Variants in SPEN observed in about 807,000 individuals in gnomAD.
The protein encoded by SPEN is spen family transcriptional repressor, also known as msx2-interacting protein.
Under a neutral mutation model 269.9 loss-of-function variants are expected in SPEN, and 18 were observed. The ratio of observed to expected loss-of-function variants is 0.07; its 90% CI spans 0.05 to 0.10. The LOEUF (loss-of-function observed/expected upper bound fraction) is 0.10. SPEN is among the 10% of genes least tolerant of loss of function. The pLI is 1.00. For missense variants in SPEN, 3,822 were observed against 4,631.2 expected (o/e 0.83, Z 5.07); for synonymous variants, 1,726 against 1,765.7 (o/e 0.98, Z 0.56).
intron 2 of SPEN, chr1:15,873,473 G>A: frequency 9.7e-7 from 1 of 1,026,536 alleles, no homozygotes; most frequent in South Asian, 4.3e-5. Context: ...CCTTCTACCT[G>A]ATGGAGCTAT....
At chr1:15,849,914 C>T (rs1473255372) in intron 1 of SPEN, among the ~76,000 whole-genome samples, 2 of 152,182 alleles carry the variant, frequency 1.3e-5, no homozygotes, top group Admixed American at 1.3e-4. Context: ...CAAGCACGTG[C>T]ATTGCAGCAT....
At chr1:15,868,315 G>C (rs546050874) in intron 1 of SPEN, among the ~76,000 whole-genome samples, 1 of 151,626 alleles carries the variant, frequency 6.6e-6, no homozygotes, top group Non-Finnish European at 1.5e-5. Context: ...TCTCATTTTA[G>C]AAAATTGGAT....
chr1:15,876,806 T>C (rs941636213), intron 3 of SPEN, 128 bp downstream of exon 3: 6 of 761,756 alleles, frequency 7.9e-6, no homozygotes, highest in Non-Finnish European at 1.3e-5. Context: ...ATGTAATCAG[T>C]AAAGAAACTG....
At chr1:15,856,182 G>A (rs1218154259) in intron 1 of SPEN, among the ~76,000 whole-genome samples, 17 of 151,552 alleles carry the variant, frequency 1.1e-4, no homozygotes, top group South Asian at 4.2e-4. Flanking sequence ...AGTAGAGACG[G>A]GGTTTCACCA....
rs2071200420 is a variant in SPEN, at chr1:15,929,457, T to G, written c.3217T>G (p.Ser1073Ala). The change falls in exon 11 of 15, where the codon TCT becomes GCT. Residue 1073 changes from serine to alanine, a missense_variant. By Grantham distance (99) the Ser-to-Ala change is moderately conservative (BLOSUM62 1). Around this residue, in one of 16 missense-constraint regions of SPEN, gnomAD observed 572 missense variants for 582.6 expected, o/e 0.98. Transcript: ENST00000375759. This position sits in a 1 kb window ranked among gnomAD's most constrained non-coding sequence, Gnocchi z 5.8. Reference protein sequence around the residue: ...PKDCQELASISVGSGSRPSSD... With the variant: ...PKDCQELASIAVGSGSRPSSD... ...AGACTGTCAGGAGCTTGCCAGTATT[T>G]CTGTTGGGTCTGGCTCAAGGCCCAG... is the stretch of plus-strand genomic sequence containing the variant. 6.2e-7 allele frequency: 1 copy of G among 1,613,172 alleles called. No homozygotes were observed. Among genetic ancestry groups the G allele is most frequent in the South Asian group, 1.1e-5 (1 of 90,970 alleles).
chr1:15,865,293 T>A (rs1363857204), intron 1 of SPEN, among the ~76,000 whole-genome samples: 1 of 151,802 alleles, frequency 6.6e-6, no homozygotes, highest in Non-Finnish European at 1.5e-5. Flanking sequence ...CCTCAGGTGA[T>A]CTGCCGGCCT....
chr1:15,926,384 TACACAC>T (rs34826146), intron 10 of SPEN, among the ~76,000 whole-genome samples: 16 of 145,862 alleles, frequency 1.1e-4, no homozygotes, highest in South Asian at 2.2e-4. Flanking sequence ...GATATATACA[TACACAC>T]ACACACACAC....
intron 3 of SPEN, among the ~76,000 whole-genome samples, chr1:15,900,107 A>G (rs2070886168): frequency 6.6e-6 from 1 of 152,134 alleles, no homozygotes; most frequent in Non-Finnish European, 1.5e-5. Context: ...CGGCCTACCA[A>G]AGTGCTGGGA....
chr1:15,919,256 A>T (rs1020853860), intron 7 of SPEN, 148 bp from the exon 8 acceptor site: 2 of 687,914 alleles, frequency 2.9e-6, no homozygotes, highest in Non-Finnish European at 2.4e-6. Flanking sequence ...TTTTTTTTGT[A>T]TATTCCTATT....
intron 3 of SPEN, among the ~76,000 whole-genome samples, chr1:15,908,427 CTT>C (rs548696560): frequency 6.8e-6 from 1 of 147,204 alleles, no homozygotes; most frequent in Non-Finnish European, 1.5e-5. Context: ...TTCTTTAATT[CTT>C]TTTTTTTTTC....
At chr1:15,867,559 C>T (rs1398199187) in intron 1 of SPEN, among the ~76,000 whole-genome samples, 1 of 151,972 alleles carries the variant, frequency 6.6e-6, no homozygotes. Flanking sequence ...TCATTTTTGG[C>T]TGTTATGAAA....
intron 3 of SPEN, among the ~76,000 whole-genome samples, chr1:15,893,294 G>A (rs902061529): frequency 1.3e-5 from 2 of 152,120 alleles, no homozygotes; most frequent in African/African-American, 2.4e-5. Flanking sequence ...AACCCAAACT[G>A]GAGGAGTTCT....
intron 3 of SPEN, among the ~76,000 whole-genome samples, chr1:15,901,212 G>A (rs1041843806): frequency 1.3e-5 from 2 of 151,382 alleles, no homozygotes; most frequent in South Asian, 4.2e-4. Flanking sequence ...GTGTAGGGGC[G>A]GCTGAGGCAG....
chr1:15,885,410 C>A (rs2070727652), intron 3 of SPEN, among the ~76,000 whole-genome samples: 1 of 152,164 alleles, frequency 6.6e-6, no homozygotes, highest in Non-Finnish European at 1.5e-5. Flanking sequence ...CCAACTGTTA[C>A]ATGAAGTTTC....
In SPEN at chr1:15,930,178, A is replaced by G. The variant is rs752853229; in HGVS notation, c.3938A>G (p.Asp1313Gly). The change falls in exon 11 of 15, where the codon GAT (aspartate) becomes GGT (glycine). Residue 1313 changes from aspartate (D) to glycine (G), a missense_variant. Physicochemically the swap from Asp to Gly is moderately conservative, Grantham distance 94. Coordinates refer to ENST00000375759, the MANE Select transcript of SPEN (RefSeq NM_015001.3). The surrounding 1 kb of genome is among the most constrained non-coding windows in gnomAD (Gnocchi z 5.3). ...REESLKFNPY[D>G]SSRREQMADM... ...GAGTCTTTAAAATTTAATCCTTATG[A>G]TTCTAGCAGGAGAGAACAGATGGCA... 5 of 1,614,196 alleles carry G rather than the reference A, an allele frequency of 3.1e-6. No homozygotes were observed. In the East Asian group the frequency reaches 1.1e-4, roughly 36 times the overall value.
chr1:15,872,046 G>A (rs974221774), intron 1 of SPEN, among the ~76,000 whole-genome samples: 2 of 151,098 alleles, frequency 1.3e-5, no homozygotes, highest in Admixed American at 1.3e-4. Context: ...ACCAGCCTGG[G>A]CAACATGGCG....
intron 1 of SPEN, among the ~76,000 whole-genome samples, chr1:15,860,362 C>T (rs1010647136): frequency 1.3e-5 from 2 of 148,788 alleles, no homozygotes; most frequent in African/African-American, 5.0e-5. Flanking sequence ...ATCTCAGCCT[C>T]CCAAGTAGCT....
chr1:15,850,839 A>G (rs1470293407), intron 1 of SPEN, among the ~76,000 whole-genome samples: 5 of 152,230 alleles, frequency 3.3e-5, no homozygotes, highest in Non-Finnish European at 7.3e-5. Flanking sequence ...AATCAGAATG[A>G]GAAAAACCAT....
chr1:15,894,360 A>T lies in SPEN; in HGVS notation c.882-14961A>T, dbSNP rs1395665195. ...TGCTTTCAGGGAGCATGCATGTTTGATGCTTTTTGCTTTGAGTTACTTGAG... is the reference window on the plus strand; with the variant it reads ...TGCTTTCAGGGAGCATGCATGTTTGTTGCTTTTTGCTTTGAGTTACTTGAG... On this transcript the variant is annotated intron_variant, in intron 3 of 14. Coordinates refer to ENST00000375759, the MANE Select transcript of SPEN (RefSeq NM_015001.3). Among the ~76,000 whole-genome samples the T allele has an allele frequency of 2.0e-5, 3 of 152,076 alleles. No individual in the cohort carries two copies. In the East Asian group the frequency reaches 5.8e-4, roughly 29 times the overall value.
Sources: gnomAD v4.1 joint callset for allele counts (sites outside exome capture counted in the v4.1 genomes callset) on GRCh38, gnomAD v4.1.1 for gene constraint, gnomAD v4.1.1 regional missense constraint, Gnocchi (gnomAD v3.1) non-coding constraint, MANE v1.5 for transcripts, NCBI Gene and HGNC (gene_info 2026-07-23, HGNC 2026-07-21) for gene names.